The following CNTN5 variants were observed in gnomAD, a reference collection of about 807,000 sequenced individuals.
CNTN5 encodes the protein contactin 5, also known as contactin-5.
Under a neutral mutation model 129.1 loss-of-function variants are expected in CNTN5, and 77 were observed. The observed-to-expected ratio is 0.60, with a 90% CI of 0.50 to 0.72. The LOEUF is 0.72. Ranked by LOEUF, CNTN5 falls within the 30% of genes least tolerant of loss-of-function variation. The probability of loss-of-function intolerance (pLI) is 0.00; values close to 1 mark genes in which losing one functional copy is unlikely to be tolerated. For synonymous variants in CNTN5, 509 were observed against 465.6 expected, an observed-to-expected ratio of 1.09 and a Z score of -1.20; for missense variants, 1,478 against 1,328.8, an observed-to-expected ratio of 1.11 and a Z score of -1.75.
intron 7 of CNTN5, among the ~76,000 whole-genome samples, chr11:99,948,376 G>C (rs1950600079): frequency 6.6e-6 from 1 of 152,144 alleles, no homozygotes; most frequent in African/African-American, 2.4e-5. Flanking sequence ...GTTTGATATG[G>C]TTAAGACTTG....
chr11:99,597,109 T>C (rs528867528), intron 3 of CNTN5, among the ~76,000 whole-genome samples: 1 of 152,162 alleles, frequency 6.6e-6, no homozygotes, highest in Non-Finnish European at 1.5e-5. Context: ...TGGTTTCTGA[T>C]CCAGAAGACT....
chr11:99,531,355 A>G (rs1280908026), intron 2 of CNTN5, among the ~76,000 whole-genome samples: 1 of 152,328 alleles, frequency 6.6e-6, no homozygotes, highest in East Asian at 1.9e-4. Flanking sequence ...GGGAACTGTT[A>G]AAGGCATTCA....
Position 100,107,488 on chromosome 11 carries a change from CTTTTTTTTT to C in CNTN5, c.1580+33204_1580+33212del, listed in dbSNP as rs10630943. 2.1e-4 allele frequency among the ~76,000 whole-genome samples: 27 copies of C among 130,490 alleles called. 1 individual carries two copies. The East Asian group carries it at 4.6e-3, about 22-fold the overall frequency. The allele number at this position is 130,490 out of a possible 152,430, so 85.6% of individuals were successfully genotyped here. A position where few individuals can be genotyped will look rare whatever the true frequency, so the allele number is the denominator to read the frequency against. ...TTCCAGATGCTGCAACTATAGTATT[CTTTTTTTTT>C]TTTTTTTTTGAAGTCTAAACATCTC... is the stretch of plus-strand genomic sequence containing the variant. On this transcript the variant is annotated intron_variant, in intron 13 of 24. Coordinates refer to ENST00000524871, the MANE Select transcript of CNTN5 (RefSeq NM_014361.4).
chr11:99,834,215 G>T (rs145356034), intron 4 of CNTN5, among the ~76,000 whole-genome samples: 55 of 152,254 alleles, frequency 3.6e-4, no homozygotes, highest in African/African-American at 1.2e-3. Flanking sequence ...TGCCTCTCAT[G>T]ACACTTGGGT....
intron 13 of CNTN5, among the ~76,000 whole-genome samples, chr11:100,140,279 G>C (rs1813443): frequency 0.23 from 35,243 of 152,158 alleles, 4,892 homozygotes; most frequent in Middle Eastern, 0.32. Context: ...GTGTTTAACT[G>C]TATGGGTGCA....
intron 3 of CNTN5, among the ~76,000 whole-genome samples, chr11:99,575,187 T>TA (rs1949305177): frequency 1.3e-5 from 2 of 152,184 alleles, no homozygotes; most frequent in South Asian, 4.1e-4. Flanking sequence ...GAAATGGTGT[T>TA]AGACGTGTCT....
At chr11:99,578,190 G>A (rs1949430911) in intron 3 of CNTN5, among the ~76,000 whole-genome samples, 1 of 151,898 alleles carries the variant, frequency 6.6e-6, no homozygotes, top group African/African-American at 2.4e-5. Context: ...AGTATTCCAT[G>A]GTGTATATGT....
At chr11:99,953,878 C>A (rs1270998432) in intron 7 of CNTN5, among the ~76,000 whole-genome samples, 2 of 152,118 alleles carry the variant, frequency 1.3e-5, no homozygotes, top group Non-Finnish European at 2.9e-5. Context: ...CCTTTTGTTG[C>A]AATTGCTTTT....
chr11:99,050,918 G>A (rs987926069), intron 1 of CNTN5, among the ~76,000 whole-genome samples: 1 of 151,718 alleles, frequency 6.6e-6, no homozygotes, highest in African/African-American at 2.4e-5. Context: ...TTACTATTAT[G>A]TATGCATATG....
chr11:99,602,283 AT>A (rs1410373383), intron 3 of CNTN5, among the ~76,000 whole-genome samples: 1 of 152,046 alleles, frequency 6.6e-6, no homozygotes, highest in African/African-American at 2.4e-5. Flanking sequence ...ACTTTATTGA[AT>A]AATAATAATA....
intron 1 of CNTN5, among the ~76,000 whole-genome samples, chr11:99,237,751 A>C (rs533789914): frequency 6.6e-6 from 1 of 152,352 alleles, no homozygotes; most frequent in African/African-American, 2.4e-5. Context: ...ATTTAAAAAT[A>C]AAAACAAAAC....
intron 8 of CNTN5, among the ~76,000 whole-genome samples, chr11:99,977,691 C>T (rs1456536981): frequency 6.6e-6 from 1 of 152,124 alleles, no homozygotes; most frequent in Admixed American, 6.6e-5. Context: ...TGGTGCTAAA[C>T]CATGAGAAAC....
chr11:100,193,387 A>G (rs1948548509), intron 14 of CNTN5, 101 bp from the exon 15 acceptor site: 6 of 717,962 alleles, frequency 8.4e-6, no homozygotes, highest in Non-Finnish European at 1.3e-5. Flanking sequence ...GAGCAACTGT[A>G]TTGTATAGAT....
rs1049605577 is a variant in CNTN5 at position 99,576,744 on chromosome 11, T to C, written c.55+20475T>C. Among the ~76,000 whole-genome samples, 21 of 152,156 alleles carry C rather than the reference T, an allele frequency of 1.4e-4. 1 individual carries two copies. The highest frequency in any genetic ancestry group is 1.3e-3 in the Admixed American group (20 of 15,264). On this transcript the variant is annotated intron_variant, in intron 3 of 24. Transcript: ENST00000524871. ...TGTTTGGGGAGGGTGTGTTTTGTCA[T>C]AGATGGTGCCTTCTCAGTGTACCCT...
chr11:99,585,499 A>T (rs540996743), intron 3 of CNTN5, among the ~76,000 whole-genome samples: 103 of 152,246 alleles, frequency 6.8e-4, no homozygotes, highest in Non-Finnish European at 1.0e-3. Context: ...TTATTTAAAA[A>T]AATATATATA....
In CNTN5 at chr11:99,577,821, C is replaced by CTTT. The variant is rs1457077113; in HGVS notation, c.55+21554_55+21556dup. 1.5e-4 allele frequency among the ~76,000 whole-genome samples: 7 copies of CTTT among 47,776 alleles called. No individual in the cohort carries two copies. In the South Asian group the frequency reaches 9.6e-3, roughly 66 times the overall value. The allele number at this position is 47,776 out of a possible 152,430, so 31.3% of individuals were successfully genotyped here. On this transcript the variant is annotated intron_variant, in intron 3 of 24. Coordinates refer to ENST00000524871, the MANE Select transcript of CNTN5 (RefSeq NM_014361.4). ...TGAGGAATTAATTCTCAAAGATTTT[C>CTTT]TTTTATTATTATTATTATTATTATA...
At chr11:99,443,960 G>A (rs1162289039) in intron 2 of CNTN5, among the ~76,000 whole-genome samples, 1 of 152,146 alleles carries the variant, frequency 6.6e-6, no homozygotes, top group Non-Finnish European at 1.5e-5. Context: ...CACTTTGGGA[G>A]GCCAAGGCAG....
At chr11:100,021,708 A>G (rs1182811663) in intron 9 of CNTN5, among the ~76,000 whole-genome samples, 6 of 152,188 alleles carry the variant, frequency 3.9e-5, no homozygotes, top group Non-Finnish European at 8.8e-5. Flanking sequence ...AATCACTCAC[A>G]TGATCACAAG....
chr11:99,905,548 T>C (rs879243059), intron 6 of CNTN5, among the ~76,000 whole-genome samples: 1 of 152,214 alleles, frequency 6.6e-6, no homozygotes, highest in Admixed American at 6.5e-5. Context: ...TGTAGCCTTG[T>C]AGTATAGTTT....
Sources: allele counts gnomAD v4.1 joint callset (sites outside exome capture counted in the v4.1 genomes callset), GRCh38; gene constraint gnomAD v4.1.1; transcripts MANE v1.5; gene names NCBI Gene and HGNC (gene_info 2026-07-23, HGNC 2026-07-21).